Variants in DNAH11 observed in about 807,000 individuals in gnomAD.
DNAH11 encodes the protein dynein axonemal heavy chain 11.
A neutral mutation model predicts 526.0 loss-of-function variants in DNAH11; 442 were observed. The observed-to-expected ratio is 0.84, with a 90% CI of 0.78 to 0.91. The LOEUF (loss-of-function observed/expected upper bound fraction) is 0.91. DNAH11 is among the 40% of genes least tolerant of loss of function. The probability of loss-of-function intolerance (pLI) is 0.00; values close to 1 mark genes in which losing one functional copy is unlikely to be tolerated. For missense variants in DNAH11, 6,989 were observed against 5,448.7 expected (o/e 1.28, Z -8.90); for synonymous variants, 2,461 against 1,935.9 (o/e 1.27, Z -7.12).
At chr7:21,692,594 T>A (rs572279803) in intron 35 of DNAH11, among the ~76,000 whole-genome samples, 1 of 152,342 alleles carries the variant, frequency 6.6e-6, no homozygotes, top group South Asian at 2.1e-4. Context: ...TTGGGCTGTT[T>A]CCAGGTTGGG....
At chr7:21,706,633 T>C (rs1039024025) in intron 39 of DNAH11, among the ~76,000 whole-genome samples, 1 of 152,332 alleles carries the variant, frequency 6.6e-6, no homozygotes. Flanking sequence ...TTTCTAAAAA[T>C]ATAAGCTTAA....
chr7:21,763,362 A>G (rs3061425), intron 54 of DNAH11, among the ~76,000 whole-genome samples: 1 of 145,572 alleles, frequency 6.9e-6, no homozygotes, highest in Non-Finnish European at 1.5e-5. Context: ...AAAAAGAAAA[A>G]AAAAAAGACT....
chr7:21,874,737 C>G (rs764803734), intron 74 of DNAH11, among the ~76,000 whole-genome samples: 22 of 151,860 alleles, frequency 1.4e-4, no homozygotes, highest in Non-Finnish European at 2.9e-4. Context: ...ATTACCATTA[C>G]TCTTTTTACC....
chr7:21,592,753 A>G (rs943849740), intron 14 of DNAH11, among the ~76,000 whole-genome samples: 2 of 152,202 alleles, frequency 1.3e-5, no homozygotes, highest in Admixed American at 6.5e-5. Flanking sequence ...AGCCAGCAGA[A>G]TTTGCTTTGA....
At chr7:21,661,129 T>C (rs914809957) in intron 30 of DNAH11, among the ~76,000 whole-genome samples, 3 of 152,086 alleles carry the variant, frequency 2.0e-5, no homozygotes, top group African/African-American at 7.2e-5. Context: ...GGATCATTTA[T>C]TCTGTTCTCC....
intron 61 of DNAH11, among the ~76,000 whole-genome samples, chr7:21,793,673 T>C (rs567298878): frequency 6.6e-6 from 1 of 151,764 alleles, no homozygotes; most frequent in Admixed American, 6.6e-5. Flanking sequence ...GTTCTATAAA[T>C]GTTGCTTAGA....
intron 12 of DNAH11, 54 bp from the exon 13 acceptor site, chr7:21,590,864 A>T: frequency 9.1e-7 from 1 of 1,095,618 alleles, no homozygotes; most frequent in Non-Finnish European, 1.2e-6. Flanking sequence ...CTTGAGTTAA[A>T]ATAGAATGAC....
At chr7:21,633,352 T>G (rs1786707797) in intron 25 of DNAH11, among the ~76,000 whole-genome samples, 1 of 152,252 alleles carries the variant, frequency 6.6e-6, no homozygotes, top group Non-Finnish European at 1.5e-5. Context: ...TCAAGTCCAC[T>G]GTTTCTCTCT....
In DNAH11 at chr7:21,635,870, G is replaced by C. The variant is rs1318869870; in HGVS notation, c.4501-1G>C. On this transcript the variant is annotated splice_acceptor_variant, in intron 25 of 81. Coordinates refer to ENST00000409508, the MANE Select transcript of DNAH11 (RefSeq NM_001277115.2). LOFTEE classifies it high-confidence loss of function. ...TTTAAAATTCTTTGCCTTTATTTTA[G>C]GTTCAGTTGCAGACTCTTCTTCAAA... 6.2e-7 allele frequency: 1 copy of C among 1,602,566 alleles called. No individual in the cohort carries two copies. The highest frequency in any genetic ancestry group is 2.2e-5 in the East Asian group (1 of 44,700).
chr7:21,777,733 G>A (rs1787740453), intron 56 of DNAH11, among the ~76,000 whole-genome samples: 1 of 152,146 alleles, frequency 6.6e-6, no homozygotes. Context: ...ATGTCACTAT[G>A]CAAAGTTACC....
intron 14 of DNAH11, among the ~76,000 whole-genome samples, chr7:21,596,395 A>G (rs553285516): frequency 6.6e-6 from 1 of 152,324 alleles, no homozygotes; most frequent in African/African-American, 2.4e-5. Flanking sequence ...GGAGGTATTT[A>G]TCTAGAAATT....
intron 69 of DNAH11, among the ~76,000 whole-genome samples, chr7:21,862,924 C>T (rs1185318402): frequency 6.6e-6 from 1 of 151,942 alleles, no homozygotes; most frequent in Non-Finnish European, 1.5e-5. Context: ...ATTAGCCAGG[C>T]GTGGTGGCAG....
At chr7:21,871,294 A>G (rs1305851155) in intron 73 of DNAH11, among the ~76,000 whole-genome samples, 1 of 152,246 alleles carries the variant, frequency 6.6e-6, no homozygotes. Context: ...ACCATTTTTC[A>G]TGCATTTCCA....
intron 14 of DNAH11, among the ~76,000 whole-genome samples, chr7:21,593,143 C>T (rs897307207): frequency 1.3e-5 from 2 of 152,044 alleles, no homozygotes; most frequent in African/African-American, 4.8e-5. Flanking sequence ...GAGGAAAATC[C>T]CACAGAGGAT....
In DNAH11 at chr7:21,796,690, C is replaced by T. The variant is rs574896780; in HGVS notation, c.10027-4447C>T. Among the ~76,000 whole-genome samples, 18 of 152,298 alleles carry T rather than the reference C, an allele frequency of 1.2e-4. 1 individual carries two copies. The South Asian group carries it at 3.7e-3, about 32-fold the overall frequency. On this transcript the variant is annotated intron_variant, in intron 61 of 81. Transcript: ENST00000409508. The stretch of plus-strand genomic sequence containing the variant: ...TCTGAGCATAGGCTGTGGGGCCAAA[C>T]ATCACGTGTTACATCTTAGCCCAGT...
chr7:21,703,791 A>AT (rs1247825492), intron 37 of DNAH11: 2 of 152,122 alleles, frequency 1.3e-5, no homozygotes, highest in African/African-American at 4.8e-5. Flanking sequence ...ACTCTGTGTG[A>AT]TTTTTTAAAT....
intron 28 of DNAH11, among the ~76,000 whole-genome samples, chr7:21,652,950 C>T (rs1781850077): frequency 6.6e-6 from 1 of 152,228 alleles, no homozygotes; most frequent in East Asian, 1.9e-4. Flanking sequence ...CTTCTCGGCT[C>T]ACTGCAACCT....
chr7:21,555,857 A>C (rs1159927798), intron 2 of DNAH11, among the ~76,000 whole-genome samples: 2 of 152,142 alleles, frequency 1.3e-5, no homozygotes, highest in Non-Finnish European at 2.9e-5. Context: ...CCTTCTCTGC[A>C]CAGGCACAGA....
At chr7:21,642,398 C>T (rs1460950042) in intron 28 of DNAH11, among the ~76,000 whole-genome samples, 1 of 152,120 alleles carries the variant, frequency 6.6e-6, no homozygotes, top group Non-Finnish European at 1.5e-5. Context: ...ATTCAACATG[C>T]ATTCTGAATT....
Sources: gnomAD v4.1 joint callset for allele counts (sites outside exome capture counted in the v4.1 genomes callset) on GRCh38, gnomAD v4.1.1 for gene constraint, MANE v1.5 for transcripts, NCBI Gene and HGNC (gene_info 2026-07-23, HGNC 2026-07-21) for gene names.